Variants in NTM observed in about 807,000 individuals in gnomAD.
NTM encodes the protein IgLON family member 2.
In NTM, 13 loss-of-function variants were observed where a neutral mutation model predicts 42.1. That is an observed-to-expected ratio of 0.31 (90% CI 0.20 to 0.49). NTM has a LOEUF of 0.49. Among genes scored for constraint, NTM ranks in the 20% least tolerant of loss-of-function variants. NTM has a pLI of 0.99. For missense variants in NTM, 373 were observed against 452.8 expected (o/e 0.82, Z 1.60); for synonymous variants, 187 against 179.2 (o/e 1.04, Z -0.35).
chr11:131,863,263 C>T (rs938102817), intron 1 of NTM, among the ~76,000 whole-genome samples: 1 of 152,310 alleles, frequency 6.6e-6, no homozygotes, highest in Admixed American at 6.5e-5. Flanking sequence ...GTCTCTGGCA[C>T]CCTGATGGTG....
rs553467957 is a variant in NTM, at chr11:132,038,828, T to TGTCCCTCC, written c.168-107445_168-107438dup. On this transcript the variant is annotated intron_variant, in intron 2 of 8. Transcript: ENST00000683400. ...CCTGTCTGCCTTCCTCACGTCCCTG[T>TGTCCCTCC]GTCCCTCCGTCCCTCCTGCACTCAG... Among the ~76,000 whole-genome samples, 17 of 152,328 alleles carry TGTCCCTCC rather than the reference T, an allele frequency of 1.1e-4. No homozygotes were observed. The South Asian group carries it at 3.5e-3, about 32-fold the overall frequency.
chr11:132,095,769 C>T (rs1030243999), intron 2 of NTM, among the ~76,000 whole-genome samples: 2 of 152,286 alleles, frequency 1.3e-5, no homozygotes, highest in South Asian at 4.1e-4. Context: ...TCCTAGAAGA[C>T]ACGTATTAGA....
At chr11:132,059,797 G>C (rs962707200) in intron 2 of NTM, among the ~76,000 whole-genome samples, 1 of 151,220 alleles carries the variant, frequency 6.6e-6, no homozygotes, top group Non-Finnish European at 1.5e-5. Flanking sequence ...GTTTCTTCAG[G>C]GTATTTATGT....
chr11:131,557,535 G>GT (rs1197858832), intron 1 of NTM, among the ~76,000 whole-genome samples: 1 of 152,164 alleles, frequency 6.6e-6, no homozygotes, highest in Non-Finnish European at 1.5e-5. Flanking sequence ...GGAAGTCTAG[G>GT]TTCCTGGGCC....
intron 3 of NTM, among the ~76,000 whole-genome samples, chr11:132,204,456 G>A (rs1337506113): frequency 6.6e-6 from 1 of 152,180 alleles, no homozygotes; most frequent in East Asian, 1.9e-4. Flanking sequence ...GTACTTAGGA[G>A]AGGCAGACAG....
chr11:131,592,589 A>C (rs1276714713), intron 1 of NTM, among the ~76,000 whole-genome samples: 1 of 148,508 alleles, frequency 6.7e-6, no homozygotes, highest in Non-Finnish European at 1.5e-5. Context: ...AACAACCACG[A>C]CCTGAAATTT....
intron 2 of NTM, among the ~76,000 whole-genome samples, chr11:131,916,128 C>T (rs533561413): frequency 6.6e-6 from 1 of 152,208 alleles, no homozygotes; most frequent in African/African-American, 2.4e-5. Flanking sequence ...TGGAGCAGAG[C>T]CCCTCTGTTG....
chr11:131,500,648 A>G (rs192464137), intron 1 of NTM, among the ~76,000 whole-genome samples: 4,003 of 147,686 alleles, frequency 0.027, 213 homozygotes, highest in African/African-American at 0.095. Flanking sequence ...GGTTTGTTAC[A>G]TATGGATACA....
chr11:131,743,603 A>G (rs551976262), intron 1 of NTM, among the ~76,000 whole-genome samples: 1 of 152,330 alleles, frequency 6.6e-6, no homozygotes, highest in South Asian at 2.1e-4. Flanking sequence ...GTCGGCCAGA[A>G]TGAAGGCATA....
intron 2 of NTM, among the ~76,000 whole-genome samples, chr11:132,070,768 A>C (rs1316428790): frequency 6.9e-6 from 1 of 144,016 alleles, no homozygotes; most frequent in East Asian, 2.1e-4. Flanking sequence ...GTTAGTTAAC[A>C]CGTCACTCAC....
At position 132,003,438 on chromosome 11, in the gene NTM, C is replaced by A. The variant is rs1446116220; in HGVS notation, c.167+91790C>A. 2.6e-5 allele frequency among the ~76,000 whole-genome samples: 4 copies of A among 151,942 alleles called. No homozygotes were observed. Among genetic ancestry groups the A allele is most frequent in the African/African-American group, 4.8e-5 (2 of 41,382 alleles). Reference sequence around the variant, plus strand: ...TTTTTAAATTTTATGTAGAGACAGACTGTCCTTATATTTCCCAGGCTGCTC... The same window carrying A: ...TTTTTAAATTTTATGTAGAGACAGAATGTCCTTATATTTCCCAGGCTGCTC... On this transcript the variant is annotated intron_variant, in intron 2 of 8. Coordinates refer to ENST00000683400, the MANE Select transcript of NTM (RefSeq NM_001352005.2). This position sits in a 1 kb window ranked among gnomAD's most constrained non-coding sequence, Gnocchi z 6.0.
At chr11:131,795,230 A>C in intron 1 of NTM, 1 of 387,470 alleles carries the variant, frequency 2.6e-6, no homozygotes, top group Non-Finnish European at 3.5e-6. Context: ...GCTCTCTCGT[A>C]TCTCTTCTTC....
chr11:131,813,174 T>C (rs1483623930), intron 1 of NTM, among the ~76,000 whole-genome samples: 1 of 152,218 alleles, frequency 6.6e-6, no homozygotes, highest in Non-Finnish European at 1.5e-5. Flanking sequence ...GCTGAGGACT[T>C]ACCAAACATC....
intron 4 of NTM, among the ~76,000 whole-genome samples, chr11:132,288,451 T>C (rs1591765959): frequency 6.6e-6 from 1 of 152,226 alleles, no homozygotes; most frequent in African/African-American, 2.4e-5. Flanking sequence ...TAGCTACTTT[T>C]TGAATGCATG....
chr11:131,390,556 A>G (rs1447041209), intron 1 of NTM, among the ~76,000 whole-genome samples: 3 of 152,158 alleles, frequency 2.0e-5, no homozygotes, highest in African/African-American at 7.2e-5. Flanking sequence ...GATTTACTTC[A>G]AAATCCTGAG....
chr11:131,738,521 G>T (rs1342853622), intron 1 of NTM, among the ~76,000 whole-genome samples: 2 of 152,238 alleles, frequency 1.3e-5, no homozygotes, highest in Non-Finnish European at 1.5e-5. Flanking sequence ...AGTCATGAAA[G>T]TGAAGTGGCT....
chr11:132,204,407 A>G (rs1178055317), intron 3 of NTM, among the ~76,000 whole-genome samples: 1 of 152,188 alleles, frequency 6.6e-6, no homozygotes, highest in Non-Finnish European at 1.5e-5. Context: ...ATATGTGATG[A>G]CCATTTTCAA....
At chr11:131,898,178 A>G (rs575285622) in intron 1 of NTM, among the ~76,000 whole-genome samples, 1 of 152,320 alleles carries the variant, frequency 6.6e-6, no homozygotes, top group Non-Finnish European at 1.5e-5. Context: ...AACCTGATTT[A>G]CAAACCTCTT....
At chr11:132,258,725 C>G (rs2092661129) in intron 4 of NTM, among the ~76,000 whole-genome samples, 1 of 152,144 alleles carries the variant, frequency 6.6e-6, no homozygotes, top group Non-Finnish European at 1.5e-5. Flanking sequence ...TTTTGTGTGG[C>G]CCACTATTTC....
Sources: gnomAD v4.1 joint callset for allele counts (sites outside exome capture counted in the v4.1 genomes callset) on GRCh38, gnomAD v4.1.1 for gene constraint, Gnocchi (gnomAD v3.1) non-coding constraint, MANE v1.5 for transcripts, NCBI Gene and HGNC (gene_info 2026-07-23, HGNC 2026-07-21) for gene names.